Variants in SLCO1B1 observed in about 807,000 individuals in gnomAD.
SLCO1B1 encodes solute carrier organic anion transporter family member 1B1, also known as OATP-2.
In SLCO1B1, 81 loss-of-function variants were observed where a neutral mutation model predicts 70.1. That is an observed-to-expected ratio of 1.16 (90% CI 0.97 to 1.39). The LOEUF is 1.39. Among genes scored for constraint, SLCO1B1 ranks in the 40% most tolerant of loss-of-function variants. The pLI is 0.00. For missense variants in SLCO1B1, 895 were observed against 799.6 expected, an observed-to-expected ratio of 1.12 and a Z score of -1.44; for synonymous variants, 283 against 271.5, an observed-to-expected ratio of 1.04 and a Z score of -0.42.
In SLCO1B1 at chr12:21,221,928, C is replaced by A. The variant is rs534498866; in HGVS notation, c.1683-372C>A. ...GATATCTACCAAAAGGAAAGTAAAT[C>A]ATTTTATGAAAAAGACTCATGCTCT... On this transcript the variant is annotated intron_variant, in intron 12 of 14. Coordinates refer to ENST00000256958, the MANE Select transcript of SLCO1B1 (RefSeq NM_006446.5). Among the ~76,000 whole-genome samples, 92 of 152,086 alleles carry A rather than the reference C, an allele frequency of 6.0e-4. 3 individuals carry two copies. The South Asian group carries it at 0.019, about 31-fold the overall frequency.
intron 1 of SLCO1B1, among the ~76,000 whole-genome samples, chr12:21,135,545 T>G (rs141821778): frequency 0.014 from 2,146 of 152,316 alleles, 68 homozygotes; most frequent in African/African-American, 0.049. Context: ...ATATTTAGGA[T>G]AGTTAGCGCT....
Position 21,188,409 on chromosome 12 carries a change from A to G in SLCO1B1, c.728-8537A>G, listed in dbSNP as rs189237587. ...TTTTTTCTCTAGCTTACTTTATATT[A>G]AGAATACTATATATAATACATATAA... is the stretch of plus-strand genomic sequence containing the variant. On this transcript the variant is annotated intron_variant, in intron 7 of 14. Transcript: ENST00000256958. 6.6e-5 allele frequency among the ~76,000 whole-genome samples: 10 copies of G among 152,240 alleles called. No individual in the cohort carries two copies. The East Asian group carries it at 1.4e-3, about 21-fold the overall frequency.
At chr12:21,184,341 G>A (rs772642975) in intron 7 of SLCO1B1, among the ~76,000 whole-genome samples, 110 of 152,194 alleles carry the variant, frequency 7.2e-4, no homozygotes, top group Middle Eastern at 3.4e-3. Context: ...AATATTTTAA[G>A]ATTTTTTTGG....
chr12:21,164,291 G>A (rs1282128098), intron 2 of SLCO1B1, among the ~76,000 whole-genome samples: 4 of 152,062 alleles, frequency 2.6e-5, no homozygotes, highest in Admixed American at 2.6e-4. Flanking sequence ...TGTCTTTAAT[G>A]CTGTCTTCTT....
chr12:21,133,420 G>T (rs916810984), intron 1 of SLCO1B1, among the ~76,000 whole-genome samples: 6 of 152,104 alleles, frequency 3.9e-5, no homozygotes, highest in Non-Finnish European at 8.8e-5. Context: ...AATTACCTTG[G>T]ACAGTATGGC....
At chr12:21,171,152 A>G (rs575416814) in intron 2 of SLCO1B1, among the ~76,000 whole-genome samples, 1 of 152,240 alleles carries the variant, frequency 6.6e-6, no homozygotes, top group Non-Finnish European at 1.5e-5. Flanking sequence ...TCACTGTGAA[A>G]GTTCCACTGA....
At chr12:21,162,020 T>C (rs1311705855) in intron 2 of SLCO1B1, among the ~76,000 whole-genome samples, 1 of 151,436 alleles carries the variant, frequency 6.6e-6, no homozygotes, top group African/African-American at 2.4e-5. Context: ...AAAATACATA[T>C]AAAATAAAAA....
At chr12:21,195,776 T>C (rs1022677569) in intron 7 of SLCO1B1, among the ~76,000 whole-genome samples, 4 of 152,214 alleles carry the variant, frequency 2.6e-5, no homozygotes, top group Non-Finnish European at 5.9e-5. Flanking sequence ...AGCTGCCTTC[T>C]TTATTTTCCG....
intron 7 of SLCO1B1, among the ~76,000 whole-genome samples, chr12:21,194,023 C>T (rs1941062751): frequency 6.6e-6 from 1 of 152,154 alleles, no homozygotes; most frequent in Non-Finnish European, 1.5e-5. Context: ...GATCTCCTGA[C>T]CTTGTGATCC....
chr12:21,219,021 T>C (rs1213110021), intron 12 of SLCO1B1, among the ~76,000 whole-genome samples: 10 of 152,212 alleles, frequency 6.6e-5, no homozygotes, highest in Admixed American at 6.5e-4. Context: ...ATGTCAGGCA[T>C]AGTTGTATGC....
rs373127202 is a variant in SLCO1B1, at chr12:21,202,532, G to C, written c.1177G>C (p.Gly393Arg). 6.2e-7 allele frequency: 1 copy of C among 1,610,530 alleles called. No homozygotes were observed. The highest frequency in any genetic ancestry group is 8.5e-7 in the Non-Finnish European group (1 of 1,178,734). ...IPIFASGMFL[G>R]GYIIKKFKLN... ...TATTTTTGCAAGTGGAATGTTTTTA[G>C]GAGGATATATCATTAAAAAATTCAA... The change falls in exon 10 of 15, where the codon GGA becomes CGA. Residue 393 changes from glycine (G) to arginine (R), a missense_variant. By Grantham distance (125) the Gly-to-Arg change is moderately radical. Transcript: ENST00000256958.
At chr12:21,194,477 C>G (rs994093943) in intron 7 of SLCO1B1, among the ~76,000 whole-genome samples, 1 of 151,922 alleles carries the variant, frequency 6.6e-6, no homozygotes, top group East Asian at 1.9e-4. Context: ...ACAAGAGTGA[C>G]TTTTGCTCTA....
At chr12:21,223,576 G>A (rs1032789193) in intron 13 of SLCO1B1, among the ~76,000 whole-genome samples, 3 of 151,934 alleles carry the variant, frequency 2.0e-5, no homozygotes, top group African/African-American at 4.8e-5. Context: ...CCTCAGTACC[G>A]GGTTTTCTCA....
At chr12:21,221,030 AC>A in intron 12 of SLCO1B1, among the ~76,000 whole-genome samples, 1 of 152,226 alleles carries the variant, frequency 6.6e-6, no homozygotes, top group South Asian at 2.1e-4. Context: ...AAAAACCAAA[AC>A]CATTTGATAA....
At position 21,222,372 on chromosome 12, in the gene SLCO1B1, G is replaced by GAAAA. The variant is rs4149102; in HGVS notation, c.1747+31_1747+34dup. ...TGGTTATACGAGCACTAGGTATGAT[G>GAAAA]AAAAAAAAAAAAAAAAAAAAAAAAA... On this transcript the variant is annotated intron_variant, in intron 13 of 14. Coordinates refer to ENST00000256958, the MANE Select transcript of SLCO1B1 (RefSeq NM_006446.5). The GAAAA allele has an allele frequency of 1.3e-3, 33 of 24,948 alleles. 1 individual carries two copies. Among genetic ancestry groups the GAAAA allele is most frequent in the African/African-American group, 4.9e-3 (16 of 3,256 alleles). 1.5% of individuals were successfully genotyped at this position (24,948 alleles called of 1,614,324 possible). A position where few individuals can be genotyped will look rare whatever the true frequency, so the allele number is the denominator to read the frequency against.
At chr12:21,137,409 G>T (rs2121030419) in intron 1 of SLCO1B1, among the ~76,000 whole-genome samples, 1 of 152,142 alleles carries the variant, frequency 6.6e-6, no homozygotes, top group East Asian at 1.9e-4. Context: ...CTTTTTGTTT[G>T]TCTGTGCCCT....
chr12:21,210,535 T>A lies in SLCO1B1; in HGVS notation c.1497+4502T>A, dbSNP rs866927501. On this transcript the variant is annotated intron_variant, in intron 11 of 14. Transcript: ENST00000256958. ...TTGTTCTTTTGGCTTAGGATTGACT[T>A]GGCGATGTGGGCTCTTTTTTGGTTC... Among the ~76,000 whole-genome samples the A allele has an allele frequency of 8.3e-5, 10 of 119,820 alleles. 1 individual carries two copies. The Middle Eastern group carries it at 0.012, about 146-fold the overall frequency. The allele number at this position is 119,820 out of a possible 152,430, so 78.6% of individuals were successfully genotyped here. A position where few individuals can be genotyped will look rare whatever the true frequency, so the allele number is the denominator to read the frequency against.
At chr12:21,190,987 T>TATA (rs1941023630) in intron 7 of SLCO1B1, among the ~76,000 whole-genome samples, 1 of 152,156 alleles carries the variant, frequency 6.6e-6, no homozygotes, top group Non-Finnish European at 1.5e-5. Flanking sequence ...GTCTCTGTTC[T>TATA]GTTCCATTGG....
chr12:21,160,300 TAGAG>T (rs918698489), intron 2 of SLCO1B1, among the ~76,000 whole-genome samples: 3 of 151,270 alleles, frequency 2.0e-5, no homozygotes, highest in East Asian at 1.9e-4. Context: ...TGGAACAAAA[TAGAG>T]AGCCCAGAAA....
Sources: gnomAD v4.1 joint callset for allele counts (sites outside exome capture counted in the v4.1 genomes callset) on GRCh38, gnomAD v4.1.1 for gene constraint, MANE v1.5 for transcripts, NCBI Gene and HGNC (gene_info 2026-07-23, HGNC 2026-07-21) for gene names.